Variants in THADA observed in about 807,000 individuals in gnomAD.
THADA encodes the protein THADA armadillo repeat containing.
THADA carries 213 observed loss-of-function variants against 219.8 expected under a neutral mutation model. The observed-to-expected ratio is 0.97, with a 90% CI of 0.87 to 1.09. The LOEUF (loss-of-function observed/expected upper bound fraction) is 1.09. THADA is among the 50% of genes least tolerant of loss of function. The pLI is 0.00. For synonymous variants in THADA, 1,018 were observed against 828.9 expected, an observed-to-expected ratio of 1.23 and a Z score of -3.92; for missense variants, 2,956 against 2,311.3, an observed-to-expected ratio of 1.28 and a Z score of -5.72.
intron 26 of THADA, among the ~76,000 whole-genome samples, chr2:43,475,254 A>T (rs1354729253): frequency 6.6e-6 from 1 of 151,970 alleles, no homozygotes; most frequent in Non-Finnish European, 1.5e-5. Flanking sequence ...GGTCTCTACA[A>T]AGAATACAAA....
intron 31 of THADA, among the ~76,000 whole-genome samples, chr2:43,303,102 G>C (rs6707060): frequency 0.068 from 10,292 of 152,204 alleles, 574 homozygotes; most frequent in South Asian, 0.18. Context: ...AGTCTGTTTG[G>C]ATGGCATAAC....
chr2:43,292,175 C>A lies in THADA; in HGVS notation c.4866G>T (p.Gln1622His). ...HCMDPGEWLP[Q>H]TEHCVHLTPK... is the part of the protein sequence containing the mutation. ...GGGTCAGATGGACACAGTGCTCCGT[C>A]TGGGGAAGCCACTCACCAGGGTCCA... The change falls in exon 33 of 38, where the codon CAG becomes CAT. Residue 1622 changes from glutamine to histidine, a missense_variant. Physicochemically the swap from Gln to His is conservative, Grantham distance 24. Transcript: ENST00000405975. The A allele has an allele frequency of 6.2e-7, 1 of 1,612,314 alleles. No individual in the cohort carries two copies. The highest frequency in any genetic ancestry group is 8.5e-7 in the Non-Finnish European group (1 of 1,179,276).
chr2:43,487,563 C>A (rs1056018889), intron 25 of THADA, among the ~76,000 whole-genome samples: 1 of 152,144 alleles, frequency 6.6e-6, no homozygotes, highest in Non-Finnish European at 1.5e-5. Flanking sequence ...CTGATCCATC[C>A]TGATATGGTC....
intron 22 of THADA, among the ~76,000 whole-genome samples, chr2:43,519,762 T>C (rs1692182805): frequency 1.3e-5 from 2 of 152,218 alleles, no homozygotes; most frequent in African/African-American, 2.4e-5. Context: ...TGGTGCCAGC[T>C]GGCGCACATT....
chr2:43,489,610 C>A (rs1381432338), intron 25 of THADA, among the ~76,000 whole-genome samples: 1 of 151,894 alleles, frequency 6.6e-6, no homozygotes, highest in African/African-American at 2.4e-5. Context: ...ATCCAGTTGT[C>A]CCCGTACCAT....
At chr2:43,479,105 T>C (rs13408697) in intron 26 of THADA, among the ~76,000 whole-genome samples, 25,132 of 152,122 alleles carry the variant, frequency 0.17, 2,854 homozygotes, top group African/African-American at 0.32. Context: ...CTAGAGCTCT[T>C]AACTTACTTT....
chr2:43,279,769 T>C lies in THADA; in HGVS notation c.5292A>G (p.Ser1764=). The change falls in exon 36 of 38, where the codon TCA becomes TCG. Residue 1764 remains serine, a synonymous_variant. Transcript: ENST00000405975. ...TAMSQENTCQ[S]TEFAFCQVDA... Reference sequence around the variant, plus strand: ...AAAAGGATAAGAACGAGGTACCTGTTGACTGGCAGGTATTTTCTTGTGACA... The same window carrying C: ...AAAAGGATAAGAACGAGGTACCTGTCGACTGGCAGGTATTTTCTTGTGACA... 1 of 1,548,584 alleles carries C rather than the reference T, an allele frequency of 6.5e-7. No individual in the cohort carries two copies. The highest frequency in any genetic ancestry group is 8.7e-7 in the Non-Finnish European group (1 of 1,145,950).
chr2:43,504,791 T>C (rs997147471), intron 24 of THADA, among the ~76,000 whole-genome samples: 2 of 152,128 alleles, frequency 1.3e-5, no homozygotes, highest in African/African-American at 4.8e-5. Context: ...GGCTGAGGCA[T>C]GGGAATCGCT....
At chr2:43,488,621 T>C (rs577657104) in intron 25 of THADA, among the ~76,000 whole-genome samples, 1 of 152,376 alleles carries the variant, frequency 6.6e-6, no homozygotes, top group Admixed American at 6.5e-5. Context: ...TGGAATATTA[T>C]GAATAATTTT....
chr2:43,583,702 T>C (rs143875150), intron 7 of THADA, among the ~76,000 whole-genome samples: 281 of 152,180 alleles, frequency 1.8e-3, no homozygotes, highest in Middle Eastern at 6.8e-3. Flanking sequence ...GGTCTAAACA[T>C]ACAATGGGAT....
At chr2:43,408,571 G>A (rs1675883794) in intron 28 of THADA, among the ~76,000 whole-genome samples, 1 of 152,122 alleles carries the variant, frequency 6.6e-6, no homozygotes, top group African/African-American at 2.4e-5. Flanking sequence ...GCACTTACAT[G>A]GTTTCCTTCG....
At chr2:43,492,375 T>G (rs1687746583) in intron 25 of THADA, 1 of 151,806 alleles carries the variant, frequency 6.6e-6, no homozygotes. Context: ...AAGCCTTCTG[T>G]GTGTGTGTGT....
intron 22 of THADA, among the ~76,000 whole-genome samples, chr2:43,514,631 T>G (rs1690988792): frequency 1.2e-5 from 1 of 83,694 alleles, no homozygotes; most frequent in South Asian, 3.3e-4. Flanking sequence ...TATATATATG[T>G]ATATTTTATA....
chr2:43,498,532 T>A (rs1688554248), intron 25 of THADA, among the ~76,000 whole-genome samples: 1 of 152,186 alleles, frequency 6.6e-6, no homozygotes, highest in Admixed American at 6.5e-5. Flanking sequence ...TCTTATACTT[T>A]AAGTGACATG....
intron 36 of THADA, among the ~76,000 whole-genome samples, chr2:43,236,631 A>C (rs1033254460): frequency 6.6e-6 from 1 of 152,238 alleles, no homozygotes; most frequent in Admixed American, 6.5e-5. Flanking sequence ...CTAAGGTGGA[A>C]GGATCACTTG....
chr2:43,344,639 T>C (rs1258514307), intron 29 of THADA, among the ~76,000 whole-genome samples: 1 of 152,244 alleles, frequency 6.6e-6, no homozygotes, highest in African/African-American at 2.4e-5. Flanking sequence ...AAATACATTG[T>C]TTGAGAGTCT....
intron 30 of THADA, among the ~76,000 whole-genome samples, chr2:43,334,290 A>G (rs1476941475): frequency 6.6e-6 from 1 of 152,108 alleles, no homozygotes; most frequent in Non-Finnish European, 1.5e-5. Context: ...CGAGGCACAC[A>G]TGAAAGGGCA....
At chr2:43,345,079 G>A (rs1001171161) in intron 29 of THADA, among the ~76,000 whole-genome samples, 2 of 152,230 alleles carry the variant, frequency 1.3e-5, no homozygotes, top group African/African-American at 4.8e-5. Flanking sequence ...GGCAAAGTAA[G>A]CATAGATAAA....
intron 36 of THADA, among the ~76,000 whole-genome samples, chr2:43,243,934 C>T (rs1282326413): frequency 6.6e-6 from 1 of 152,172 alleles, no homozygotes; most frequent in East Asian, 1.9e-4. Context: ...CTGATGTAAA[C>T]ATGTTTCCTG....
Sources: allele counts gnomAD v4.1 joint callset (sites outside exome capture counted in the v4.1 genomes callset), GRCh38; gene constraint gnomAD v4.1.1; transcripts MANE v1.5; gene names NCBI Gene and HGNC (gene_info 2026-07-23, HGNC 2026-07-21).